Variants in U2SURP observed in about 807,000 individuals in gnomAD.
U2SURP encodes U2 snRNP-associated SURP motif-containing protein.
A neutral mutation model predicts 144.9 loss-of-function variants in U2SURP; 9 were observed. That is an observed-to-expected ratio of 0.06 (90% CI 0.04 to 0.11). The LOEUF (loss-of-function observed/expected upper bound fraction) is 0.11. Among genes scored for constraint, U2SURP ranks in the 10% least tolerant of loss-of-function variants. U2SURP has a pLI of 1.00. For missense variants in U2SURP, 724 were observed against 1,226.7 expected (o/e 0.59, Z 6.12); for synonymous variants, 408 against 396.8 (o/e 1.03, Z -0.33).
rs751343986 is a variant in U2SURP at position 143,056,384 on chromosome 3, G to A, written c.3024G>A (p.Lys1008=). 3.7e-5 allele frequency: 60 copies of A among 1,612,454 alleles called. No individual in the cohort carries two copies. Among genetic ancestry groups the A allele is most frequent in the Non-Finnish European group, 4.7e-5 (55 of 1,179,186 alleles). The change falls in exon 28 of 28, where the codon AAG becomes AAA. Residue 1008 remains lysine (K), a synonymous_variant. Transcript: ENST00000473835. ...CTAGATCTCCTAAAAAATCAGGAAA[G>A]AAGTCCAGATCCCAGTCCAGATCTC... ...SRSRSPKKSG[K]KSRSQSRSPH...
intron 21 of U2SURP, among the ~76,000 whole-genome samples, 154 bp from the exon 22 acceptor site, chr3:143,037,954 T>G (rs1933901068): frequency 6.6e-6 from 1 of 152,132 alleles, no homozygotes; most frequent in Non-Finnish European, 1.5e-5. Flanking sequence ...TGCAGAGAAT[T>G]GGTTTAGTCA....
intron 4 of U2SURP, among the ~76,000 whole-genome samples, chr3:143,014,744 C>T (rs1285797520): frequency 6.6e-6 from 1 of 151,950 alleles, no homozygotes; most frequent in Non-Finnish European, 1.5e-5. Flanking sequence ...TTCCTACTTG[C>T]TTTTTTAACT....
At chr3:143,035,779 T>C (rs1381025857) in intron 19 of U2SURP, among the ~76,000 whole-genome samples, 7 of 152,172 alleles carry the variant, frequency 4.6e-5, no homozygotes, top group Non-Finnish European at 1.0e-4. Context: ...TATTTATTTT[T>C]AGGGGTTTTT....
intron 10 of U2SURP, 54 bp downstream of exon 10, chr3:143,021,609 A>G (rs1936637289): frequency 5.3e-6 from 8 of 1,510,150 alleles, no homozygotes; most frequent in Non-Finnish European, 7.2e-6. Flanking sequence ...TTTGGAAGAA[A>G]GCTTTGTTAG....
intron 18 of U2SURP, 140 bp from the exon 19 acceptor site, chr3:143,034,748 A>G (rs1185162185): frequency 1.7e-6 from 1 of 604,432 alleles, no homozygotes; most frequent in Non-Finnish European, 2.9e-6. Flanking sequence ...TTTAGAGTTT[A>G]AACACCTAGT....
chr3:143,045,506 T>G (rs192888269), intron 24 of U2SURP, among the ~76,000 whole-genome samples: 3 of 152,344 alleles, frequency 2.0e-5, no homozygotes, highest in Admixed American at 6.5e-5. Context: ...CCCAACTGTT[T>G]AGTATGTTCT....
chr3:143,009,020 G>C (rs1935985608), intron 1 of U2SURP, among the ~76,000 whole-genome samples: 1 of 152,128 alleles, frequency 6.6e-6, no homozygotes, highest in Admixed American at 6.5e-5. Context: ...GATTACAGGC[G>C]TGAGCCACTG....
chr3:143,056,164 A>G, intron 27 of U2SURP, 148 bp from the exon 28 acceptor site: 1 of 737,194 alleles, frequency 1.4e-6, no homozygotes, highest in East Asian at 2.7e-5. Flanking sequence ...GTGTGTGTAC[A>G]ATAGAGTTTA....
chr3:143,038,376 C>A (rs115339514), intron 22 of U2SURP, among the ~76,000 whole-genome samples, 173 bp downstream of exon 22: 1,886 of 152,016 alleles, frequency 0.012, 38 homozygotes, highest in African/African-American at 0.043. Flanking sequence ...GTTGCTGTTA[C>A]AATTTTCTTA....
intron 1 of U2SURP, among the ~76,000 whole-genome samples, chr3:143,003,619 C>CT (rs1935651211): frequency 6.8e-6 from 1 of 147,750 alleles, no homozygotes; most frequent in East Asian, 2.0e-4. Flanking sequence ...GATTTGGAAT[C>CT]TAAGTCATCA....
intron 16 of U2SURP, among the ~76,000 whole-genome samples, chr3:143,032,326 C>A (rs1933548771): frequency 6.6e-6 from 1 of 152,198 alleles, no homozygotes; most frequent in Non-Finnish European, 1.5e-5. Flanking sequence ...CTACCTTGGC[C>A]TCCCAGAGTG....
In U2SURP at chr3:143,052,224, G is replaced by A. The variant is rs890416025; in HGVS notation, c.2655+1175G>A. ...AGCCTGACCAGCATGGATAAACCCC[G>A]TCTCTACTAAAAATACAAAATTATC... On this transcript the variant is annotated intron_variant, in intron 25 of 27. Transcript: ENST00000473835. 2.7e-4 allele frequency among the ~76,000 whole-genome samples: 41 copies of A among 151,998 alleles called. 1 individual carries two copies. Among genetic ancestry groups the A allele is most frequent in the Admixed American group, 2.6e-3 (39 of 15,260 alleles).
Position 143,016,811 on chromosome 3 carries a change from T to C in U2SURP, c.437-31T>C, listed in dbSNP as rs574734023. The C allele has an allele frequency of 6.0e-6, 9 of 1,492,016 alleles. No homozygotes were observed. The Admixed American group carries it at 2.3e-4, about 39-fold the overall frequency. 92.4% of individuals were successfully genotyped at this position (1,492,016 alleles called of 1,614,324 possible). ...ACAGTAAAGAAAAATATTGCGAAAT[T>C]AGTTTTGAAACTTAGTATTTTAAAT... On this transcript the variant is annotated intron_variant, in intron 5 of 27. Transcript: ENST00000473835.
chr3:143,033,432 C>T, intron 18 of U2SURP, 82 bp downstream of exon 18: 2 of 745,470 alleles, frequency 2.7e-6, no homozygotes, highest in East Asian at 2.8e-5. Flanking sequence ...GTTTTGTTAA[C>T]ATCCTGCAAG....
At position 143,012,406 on chromosome 3, in the gene U2SURP, A is replaced by G. The variant is rs1374235200; in HGVS notation, c.222+53A>G. The G allele has an allele frequency of 5.9e-6, 9 of 1,517,216 alleles. No individual in the cohort carries two copies. The Admixed American group carries it at 1.7e-4, about 29-fold the overall frequency. The allele number at this position is 1,517,216 out of a possible 1,614,324, so 94.0% of individuals were successfully genotyped here. ...TAAGAAAGGATAGTTAATGATTTTA[A>G]TCTGTCTTTGACTGAATTTAGTGGT... On this transcript the variant is annotated intron_variant, in intron 3 of 27. Transcript: ENST00000473835.
At chr3:143,028,218 A>G in intron 14 of U2SURP, 122 bp from the exon 15 acceptor site, 3 of 1,152,350 alleles carry the variant, frequency 2.6e-6, no homozygotes, top group South Asian at 1.5e-5. Flanking sequence ...CTCTTCAGGG[A>G]TCTTTGTTTT....
Position 143,058,156 on chromosome 3 carries a change from G to A in U2SURP, c.*1706G>A, listed in dbSNP as rs1935234202. ...TGTTTTTCTCCCCTGCTCATTGCCT[G>A]GGAGAATGGAATTTTATATAACTAC... On this transcript the variant is annotated 3_prime_UTR_variant, in exon 28 of 28. Transcript: ENST00000473835. The A allele has an allele frequency of 6.6e-6, 1 of 152,342 alleles. No homozygotes were observed. The highest frequency in any genetic ancestry group is 1.5e-5 in the Non-Finnish European group (1 of 67,842). 9.4% of individuals were successfully genotyped at this position (152,342 alleles called of 1,614,324 possible).
intron 16 of U2SURP, among the ~76,000 whole-genome samples, chr3:143,031,854 G>A (rs1578142845): frequency 1.3e-5 from 2 of 152,310 alleles, no homozygotes; most frequent in African/African-American, 4.8e-5. Context: ...TACTGTTTGA[G>A]TGTATTTACT....
chr3:143,028,427 T>G (rs745367681), intron 15 of U2SURP, 21 bp downstream of exon 15: 37 of 1,611,160 alleles, frequency 2.3e-5, no homozygotes, highest in Middle Eastern at 3.3e-4. Context: ...TCAATTACTT[T>G]GTTAATTTTG....
Sources: gnomAD v4.1 joint callset for allele counts (sites outside exome capture counted in the v4.1 genomes callset) on GRCh38, gnomAD v4.1.1 for gene constraint, MANE v1.5 for transcripts, NCBI Gene and HGNC (gene_info 2026-07-23, HGNC 2026-07-21) for gene names.